Variants in TRIM14 observed in about 807,000 individuals in gnomAD.
The protein encoded by TRIM14 is tripartite motif containing 14.
In TRIM14, 28 loss-of-function variants were observed where a neutral mutation model predicts 44.5. That is an observed-to-expected ratio of 0.63 (90% CI 0.47 to 0.86). TRIM14 has a LOEUF of 0.86. TRIM14 is among the 40% of genes least tolerant of loss of function. TRIM14 has a pLI of 0.00. For synonymous variants in TRIM14, 299 were observed against 269.2 expected (o/e 1.11, Z -1.08); for missense variants, 607 against 611.1 (o/e 0.99, Z 0.07).
chr9:98,042,877 A>T, the TRIM14 span, among the ~76,000 whole-genome samples: 1 of 152,166 alleles, frequency 6.6e-6, no homozygotes, highest in African/African-American at 2.4e-5. Flanking sequence ...TCAAAAAAAA[A>T]AAAAAAGAGT....
rs758075370 is a variant in TRIM14, at chr9:98,095,512, G to T, written c.538-483C>A. 4.6e-5 allele frequency among the ~76,000 whole-genome samples: 7 copies of T among 152,190 alleles called. No homozygotes were observed. The highest frequency in any genetic ancestry group is 2.0e-4 in the Admixed American group (3 of 15,284). On this transcript the variant is annotated intron_variant, in intron 3 of 5. Coordinates refer to ENST00000341469, the MANE Select transcript of TRIM14 (RefSeq NM_014788.4). The surrounding 1 kb of genome is among the most constrained non-coding windows in gnomAD (Gnocchi z 4.1). ...CAGGAAACCATGTTCTAAGAAGGAC[G>T]CCAAAGGCCAGCAAGGTTCAGCTGC...
rs753888251 is a variant in TRIM14 at position 98,119,093 on chromosome 9, A to T, written c.96T>A (p.Ala32=). 1.3e-6 allele frequency: 2 copies of T among 1,586,658 alleles called. No individual in the cohort carries two copies. The highest frequency in any genetic ancestry group is 2.2e-5 in the South Asian group (2 of 89,652). ...WRCPEHGDRV[A]ELFCRRCRRC... ...GGCGGCAGCGGCGACAGAAGAGCTC[A>T]GCCACGCGGTCGCCATGCTCCGGGC... Residue 32 remains alanine (A), a synonymous_variant, in exon 1 of 6, where the codon GCT becomes GCA. Coordinates refer to ENST00000341469, the MANE Select transcript of TRIM14 (RefSeq NM_014788.4).
At chr9:98,078,071 C>T (rs1829670112) in intron 6 of TRIM14, 2 of 1,424,268 alleles carry the variant, frequency 1.4e-6, no homozygotes, top group Non-Finnish European at 9.6e-7. Flanking sequence ...GGGGCTGGCA[C>T]AGTGTTTTAA....
chr9:98,114,442 T>G (rs1174090115), intron 1 of TRIM14, among the ~76,000 whole-genome samples: 2 of 152,082 alleles, frequency 1.3e-5, no homozygotes, highest in African/African-American at 4.8e-5. Context: ...CATGCCATTC[T>G]CCTGCCTCAG....
the TRIM14 span, among the ~76,000 whole-genome samples, chr9:98,052,661 C>A: frequency 2.0e-5 from 3 of 152,186 alleles, no homozygotes; most frequent in African/African-American, 7.2e-5. Flanking sequence ...GCGTGTGCCA[C>A]CACGCCTGCC....
chr9:98,109,023 G>A (rs1041300763), intron 2 of TRIM14, among the ~76,000 whole-genome samples: 13 of 151,898 alleles, frequency 8.6e-5, no homozygotes, highest in Middle Eastern at 6.9e-3. Context: ...GACTGCAGGC[G>A]TGCACCACCA....
chr9:98,079,713 G>A (rs1181524435), downstream of TRIM14, among the ~76,000 whole-genome samples: 1 of 152,162 alleles, frequency 6.6e-6, no homozygotes, highest in Admixed American at 6.5e-5. Flanking sequence ...CCTTTTCAGT[G>A]TATCTCCGTC....
At chr9:98,065,483 ATTTTTTTTTTTTT>A (rs397837187), downstream of TRIM14, among the ~76,000 whole-genome samples, 3 of 58,632 alleles carry the variant, frequency 5.1e-5, no homozygotes, top group African/African-American at 1.9e-4. Context: ...TGCCCAGCTA[ATTTTTTTTTTTTT>A]TTTTTTTTTT....
downstream of TRIM14, among the ~76,000 whole-genome samples, chr9:98,066,584 G>A (rs4412474): frequency 0.61 from 92,583 of 151,846 alleles, 30,958 homozygotes; most frequent in African/African-American, 0.89. Context: ...CACCCCCAAA[G>A]GAAAAACTAC....
At chr9:98,049,368 A>T in the TRIM14 span, among the ~76,000 whole-genome samples, 1 of 135,306 alleles carries the variant, frequency 7.4e-6, no homozygotes, top group Non-Finnish European at 1.6e-5. Flanking sequence ...AAAAAAAAAG[A>T]ATGACTATTC....
chr9:98,113,698 T>A (rs566370053), intron 1 of TRIM14, among the ~76,000 whole-genome samples: 1 of 152,312 alleles, frequency 6.6e-6, no homozygotes, highest in East Asian at 1.9e-4. Flanking sequence ...AAATGTAATG[T>A]AGAATTAATA....
chr9:98,048,199 A>C, the TRIM14 span, among the ~76,000 whole-genome samples: 97 of 152,120 alleles, frequency 6.4e-4, no homozygotes, highest in African/African-American at 2.2e-3. Context: ...TGCATGGTAA[A>C]ATCATTGCAC....
the TRIM14 span, among the ~76,000 whole-genome samples, chr9:98,060,348 T>A: frequency 6.6e-6 from 1 of 152,162 alleles, no homozygotes; most frequent in Non-Finnish European, 1.5e-5. Flanking sequence ...GTCCTTAAGG[T>A]CTCTGTCAGT....
chr9:98,081,259 G>A (rs1829848721), downstream of TRIM14: 3 of 789,088 alleles, frequency 3.8e-6, no homozygotes, highest in African/African-American at 3.5e-5. Context: ...ATGTCACTCT[G>A]GCCTGTAGCA....
At chr9:98,105,460 T>G (rs1826573237) in intron 2 of TRIM14, among the ~76,000 whole-genome samples, 1 of 152,188 alleles carries the variant, frequency 6.6e-6, no homozygotes, top group Admixed American at 6.5e-5. Flanking sequence ...GCACCTGCAG[T>G]CCCAGCAATT....
At chr9:98,056,719 C>A in the TRIM14 span, 1 of 1,501,084 alleles carries the variant, frequency 6.7e-7, no homozygotes, top group Non-Finnish European at 8.9e-7. Context: ...GTGTGGGTCT[C>A]GCAGCGTTGC....
rs564445492 is a variant in TRIM14, at chr9:98,105,453, C to T, written c.303+4436G>A. 2.6e-5 allele frequency among the ~76,000 whole-genome samples: 4 copies of T among 152,316 alleles called. No homozygotes were observed. In the South Asian group the frequency reaches 8.3e-4, roughly 32 times the overall value. Reference sequence around the variant, plus strand: ...AATTAGCCAGGCACGGTAGTGGGCACCTGCAGTCCCAGCAATTCGGGAGGC... The same window carrying T: ...AATTAGCCAGGCACGGTAGTGGGCATCTGCAGTCCCAGCAATTCGGGAGGC... On this transcript the variant is annotated intron_variant, in intron 2 of 5. Transcript: ENST00000341469.
the TRIM14 span, among the ~76,000 whole-genome samples, chr9:98,038,874 C>T: frequency 1.4e-4 from 22 of 152,080 alleles, no homozygotes; most frequent in Non-Finnish European, 2.6e-4. Context: ...CATAGTGAAA[C>T]CCCGCCTCTA....
At chr9:98,040,373 C>T in the TRIM14 span, among the ~76,000 whole-genome samples, 5 of 152,060 alleles carry the variant, frequency 3.3e-5, no homozygotes, top group African/African-American at 9.7e-5. Context: ...GGTGTCTTCT[C>T]GTTCCTCATT....
Sources: gnomAD v4.1 joint callset for allele counts (sites outside exome capture counted in the v4.1 genomes callset) on GRCh38, gnomAD v4.1.1 for gene constraint, Gnocchi (gnomAD v3.1) non-coding constraint, MANE v1.5 for transcripts, NCBI Gene and HGNC (gene_info 2026-07-23, HGNC 2026-07-21) for gene names.